The following STXBP6 variants were observed in gnomAD, a reference collection of about 807,000 sequenced individuals.
STXBP6 encodes the protein syntaxin-binding protein 6.
In STXBP6, 21 loss-of-function variants were observed where a neutral mutation model predicts 26.9. The observed-to-expected ratio is 0.78, with a 90% CI of 0.55 to 1.12. The LOEUF (loss-of-function observed/expected upper bound fraction) is 1.12, where lower values mean the gene tolerates loss of function less well. STXBP6 is among the 50% of genes most tolerant of loss of function. STXBP6 has a pLI of 0.00. For synonymous variants in STXBP6, 97 were observed against 92.6 expected, an observed-to-expected ratio of 1.05 and a Z score of -0.27; for missense variants, 232 against 257.9, an observed-to-expected ratio of 0.90 and a Z score of 0.69.
At chr14:24,877,795 T>C (rs1274750726) in intron 2 of STXBP6, among the ~76,000 whole-genome samples, 1 of 152,194 alleles carries the variant, frequency 6.6e-6, no homozygotes, top group Non-Finnish European at 1.5e-5. Flanking sequence ...GATTACACAC[T>C]TAAAGAGCAA....
chr14:24,878,519 G>T (rs1025356110), intron 2 of STXBP6: 8 of 154,606 alleles, frequency 5.2e-5, no homozygotes, highest in African/African-American at 1.9e-4. Flanking sequence ...ATACATTTTT[G>T]TTGACCACAA....
chr14:25,048,268 T>G (rs576822496), intron 1 of STXBP6, among the ~76,000 whole-genome samples: 2 of 152,366 alleles, frequency 1.3e-5, no homozygotes, highest in African/African-American at 4.8e-5. Context: ...CTTTTCATTT[T>G]CATTATCTCA....
chr14:24,854,268 G>A lies in STXBP6; in HGVS notation c.451+1668C>T, dbSNP rs543125319. 2.0e-4 allele frequency among the ~76,000 whole-genome samples: 31 copies of A among 152,178 alleles called. No individual in the cohort carries two copies. In the East Asian group the frequency reaches 5.8e-3, roughly 29 times the overall value. On this transcript the variant is annotated intron_variant, in intron 4 of 5. Coordinates refer to ENST00000323944, the MANE Select transcript of STXBP6 (RefSeq NM_001394410.1). Reference sequence around the variant, plus strand: ...CTCGTTTCCCTTGGAAGGACAGTGAGTGTGTGGCCCTTTTGCTTCCATCCA... The same window carrying A: ...CTCGTTTCCCTTGGAAGGACAGTGAATGTGTGGCCCTTTTGCTTCCATCCA...
At chr14:25,030,288 C>T (rs993867661) in intron 1 of STXBP6, among the ~76,000 whole-genome samples, 1 of 152,174 alleles carries the variant, frequency 6.6e-6, no homozygotes, top group Non-Finnish European at 1.5e-5. Flanking sequence ...GTACCCCATG[C>T]CCAATATGAG....
chr14:25,002,967 T>C (rs1280895952), intron 1 of STXBP6, among the ~76,000 whole-genome samples: 2 of 152,056 alleles, frequency 1.3e-5, no homozygotes, highest in Non-Finnish European at 2.9e-5. Context: ...CCTCAGGTGA[T>C]CCACCCGCCT....
intron 2 of STXBP6, among the ~76,000 whole-genome samples, chr14:24,966,065 GA>G (rs2073723678): frequency 6.6e-6 from 1 of 152,198 alleles, no homozygotes; most frequent in Non-Finnish European, 1.5e-5. Context: ...GAACATAAGT[GA>G]GTGAGCTGTA....
At chr14:24,891,004 C>A (rs145258966) in intron 2 of STXBP6, among the ~76,000 whole-genome samples, 1 of 152,290 alleles carries the variant, frequency 6.6e-6, no homozygotes, top group African/African-American at 2.4e-5. Context: ...CTATTTTGAC[C>A]TTTATCCTGA....
chr14:24,953,903 A>G (rs2073254871), intron 2 of STXBP6, among the ~76,000 whole-genome samples: 1 of 152,228 alleles, frequency 6.6e-6, no homozygotes, highest in African/African-American at 2.4e-5. Context: ...AGTGCATAAG[A>G]AACATTACTT....
intron 2 of STXBP6, among the ~76,000 whole-genome samples, chr14:24,961,457 A>G (rs2140122982): frequency 6.6e-6 from 1 of 152,170 alleles, no homozygotes; most frequent in African/African-American, 2.4e-5. Flanking sequence ...AAAACAAAAA[A>G]AAAAAAACAT....
At chr14:24,838,601 T>C (rs936329707) in intron 4 of STXBP6, among the ~76,000 whole-genome samples, 27 of 151,994 alleles carry the variant, frequency 1.8e-4, no homozygotes, top group African/African-American at 6.5e-4. Flanking sequence ...GAAGGATCGC[T>C]TGAACTCGGG....
chr14:25,004,762 C>T (rs1260340668), intron 1 of STXBP6, among the ~76,000 whole-genome samples: 1 of 152,028 alleles, frequency 6.6e-6, no homozygotes, highest in African/African-American at 2.4e-5. Flanking sequence ...GAAGAAAAAT[C>T]AAGGGTCAGT....
chr14:24,826,736 G>A (rs960786409), intron 4 of STXBP6, among the ~76,000 whole-genome samples: 12 of 152,126 alleles, frequency 7.9e-5, no homozygotes, highest in African/African-American at 2.9e-4. Flanking sequence ...TCCACCCCCC[G>A]ACCCCTGTCA....
At chr14:24,955,708 C>A (rs1310093925) in intron 2 of STXBP6, among the ~76,000 whole-genome samples, 1 of 151,946 alleles carries the variant, frequency 6.6e-6, no homozygotes, top group Non-Finnish European at 1.5e-5. Flanking sequence ...GGAATCTGGC[C>A]CTGCTTCCCC....
chr14:24,935,606 G>C (rs576752579), intron 2 of STXBP6, among the ~76,000 whole-genome samples: 2 of 152,186 alleles, frequency 1.3e-5, no homozygotes, highest in African/African-American at 4.8e-5. Flanking sequence ...GGGTTATATG[G>C]GCTTTGCATA....
intron 2 of STXBP6, among the ~76,000 whole-genome samples, chr14:24,861,597 C>T (rs944638507): frequency 6.6e-6 from 1 of 152,178 alleles, no homozygotes; most frequent in African/African-American, 2.4e-5. Context: ...GGCTGCTGCG[C>T]CAGCAATTCT....
chr14:25,013,093 TAAC>T (rs899282383), intron 1 of STXBP6, among the ~76,000 whole-genome samples: 9 of 152,206 alleles, frequency 5.9e-5, no homozygotes, highest in East Asian at 3.9e-4. Flanking sequence ...CCCCACCTCT[TAAC>T]AACAACAACA....
intron 2 of STXBP6, among the ~76,000 whole-genome samples, chr14:24,866,439 G>C (rs141069105): frequency 6.6e-6 from 1 of 151,948 alleles, no homozygotes; most frequent in African/African-American, 2.4e-5. Flanking sequence ...GTGTATATGC[G>C]TGTGTATATG....
At chr14:25,001,586 A>C (rs1441521623) in intron 1 of STXBP6, among the ~76,000 whole-genome samples, 1 of 152,126 alleles carries the variant, frequency 6.6e-6, no homozygotes, top group African/African-American at 2.4e-5. Context: ...TCTTTCTTAG[A>C]GTTTCAATCT....
At chr14:24,898,342 C>T (rs1312998912) in intron 2 of STXBP6, among the ~76,000 whole-genome samples, 2 of 152,172 alleles carry the variant, frequency 1.3e-5, no homozygotes, top group African/African-American at 2.4e-5. Flanking sequence ...CTGAACCTTA[C>T]TGAACCTCAC....
Sources: allele counts gnomAD v4.1 joint callset (sites outside exome capture counted in the v4.1 genomes callset), GRCh38; gene constraint gnomAD v4.1.1; transcripts MANE v1.5; gene names NCBI Gene and HGNC (gene_info 2026-07-23, HGNC 2026-07-21).